RASA2: variants seen among roughly 807,000 people sequenced by gnomAD.
RASA2 encodes the protein RAS p21 protein activator 2.
A neutral mutation model predicts 118.2 loss-of-function variants in RASA2; 155 were observed. The ratio of observed to expected loss-of-function variants is 1.31; its 90% CI spans 1.15 to 1.50. RASA2 has a LOEUF of 1.50. Ranked by LOEUF, RASA2 falls within the 40% of genes most tolerant of loss-of-function variation. RASA2 has a pLI of 0.00. For missense variants in RASA2, 1,016 were observed against 1,009.6 expected, an observed-to-expected ratio of 1.01 and a Z score of -0.09; for synonymous variants, 353 against 349.1, an observed-to-expected ratio of 1.01 and a Z score of -0.12.
At chr3:141,597,807 A>T (rs1269887503) in intron 19 of RASA2, among the ~76,000 whole-genome samples, 1 of 152,098 alleles carries the variant, frequency 6.6e-6, no homozygotes. Flanking sequence ...GCTTTAATAA[A>T]ATTGAAAAAT....
chr3:141,541,171 C>G (rs950894481), intron 5 of RASA2, among the ~76,000 whole-genome samples: 3 of 152,150 alleles, frequency 2.0e-5, no homozygotes, highest in Non-Finnish European at 2.9e-5. Context: ...ATAACCTTCA[C>G]TTCTTCTGGG....
intron 6 of RASA2, 35 bp from the exon 7 acceptor site, chr3:141,555,805 G>A: frequency 6.4e-7 from 1 of 1,568,094 alleles, no homozygotes; most frequent in African/African-American, 1.4e-5. Flanking sequence ...GTACTGTTAA[G>A]TTCTACAAGG....
chr3:141,517,939 G>A (rs915728070), intron 3 of RASA2, among the ~76,000 whole-genome samples: 25 of 152,156 alleles, frequency 1.6e-4, no homozygotes, highest in African/African-American at 6.0e-4. Flanking sequence ...ACAGGCGTCA[G>A]CCACTGCTCC....
chr3:141,493,704 G>A (rs1240098801), intron 1 of RASA2, among the ~76,000 whole-genome samples: 1 of 152,144 alleles, frequency 6.6e-6, no homozygotes, highest in Non-Finnish European at 1.5e-5. Flanking sequence ...TAGATAATAT[G>A]AACACTTGGT....
intron 9 of RASA2, among the ~76,000 whole-genome samples, chr3:141,569,050 T>C (rs2082869624): frequency 6.6e-6 from 1 of 152,126 alleles, no homozygotes; most frequent in South Asian, 2.1e-4. Context: ...AAAAGACATA[T>C]ATAATACAGT....
intron 3 of RASA2, among the ~76,000 whole-genome samples, chr3:141,520,011 C>CTTT (rs559634060): frequency 7.2e-4 from 79 of 109,772 alleles, no homozygotes; most frequent in African/African-American, 1.2e-3. Flanking sequence ...TTCTTTTTCT[C>CTTT]TTTTTTTTTT....
chr3:141,597,358 C>T (rs897531127), intron 19 of RASA2, among the ~76,000 whole-genome samples: 9 of 152,174 alleles, frequency 5.9e-5, no homozygotes, highest in Non-Finnish European at 1.3e-4. Flanking sequence ...CAAGAAATTA[C>T]GTACTGCATG....
intron 5 of RASA2, among the ~76,000 whole-genome samples, chr3:141,549,373 C>T (rs1369773703): frequency 1.3e-5 from 2 of 152,152 alleles, no homozygotes; most frequent in Non-Finnish European, 2.9e-5. Context: ...GACCTCATCT[C>T]TGCCCACCCA....
At position 141,512,277 on chromosome 3, in the gene RASA2, T is replaced by A. The variant is rs763791807; in HGVS notation, c.248T>A (p.Leu83Ter). Residue 83 changes from leucine to a stop codon, truncating the protein, a stop_gained, in exon 2 of 24, where the codon TTA becomes TAA. Transcript: ENST00000286364. LOFTEE classifies it high-confidence loss of function. ...CGTACCCAAGTTGTGGAAAAATCTT[T>A]AAGGTTGGTAGAAAAAATTGGTAAA... ...VYRTQVVEKS[L>*]SPFFSEEFYF... The A allele has an allele frequency of 6.4e-7, 1 of 1,565,164 alleles. No individual in the cohort carries two copies.
intron 2 of RASA2, among the ~76,000 whole-genome samples, chr3:141,515,373 CCT>C (rs1168841142): frequency 1.3e-5 from 2 of 152,068 alleles, no homozygotes; most frequent in East Asian, 1.9e-4. Context: ...ACTATCCTCA[CCT>C]CTCAAATGGT....
chr3:141,512,331 ATAT>A, intron 2 of RASA2, 51 bp downstream of exon 2: 1 of 1,219,452 alleles, frequency 8.2e-7, no homozygotes, highest in Non-Finnish European at 1.2e-6. Flanking sequence ...AGATTGGTAA[ATAT>A]TATGCATTTT....
At chr3:141,572,868 C>T (rs1397890748) in intron 12 of RASA2, 145 bp downstream of exon 12, 5 of 694,142 alleles carry the variant, frequency 7.2e-6, no homozygotes, top group Admixed American at 3.3e-5. Context: ...TTATTTACTT[C>T]TCTGTCAATG....
intron 4 of RASA2, among the ~76,000 whole-genome samples, chr3:141,539,594 T>C (rs1484455550): frequency 6.6e-6 from 1 of 152,206 alleles, no homozygotes; most frequent in Non-Finnish European, 1.5e-5. Context: ...ATCACTCACG[T>C]CATCAGTCCC....
chr3:141,603,574 AAAAAAAT>A (rs2083499848), intron 19 of RASA2, among the ~76,000 whole-genome samples: 1 of 152,058 alleles, frequency 6.6e-6, no homozygotes, highest in Non-Finnish European at 1.5e-5. Flanking sequence ...TCTGTCTCAA[AAAAAAAT>A]AAAAAATAAA....
chr3:141,515,018 AAG>A (rs1485137864), intron 2 of RASA2, among the ~76,000 whole-genome samples: 1 of 152,134 alleles, frequency 6.6e-6, no homozygotes, highest in African/African-American at 2.4e-5. Flanking sequence ...GGAGAGGCAT[AAG>A]AGAACTTTCT....
chr3:141,493,856 A>G (rs991656705), intron 1 of RASA2, among the ~76,000 whole-genome samples: 1 of 152,216 alleles, frequency 6.6e-6, no homozygotes, highest in African/African-American at 2.4e-5. Context: ...GAAATTAAGC[A>G]TTTACAAACA....
At chr3:141,595,803 A>AT (rs895237167) in intron 19 of RASA2, among the ~76,000 whole-genome samples, 2 of 151,574 alleles carry the variant, frequency 1.3e-5, no homozygotes, top group African/African-American at 4.9e-5. Flanking sequence ...TGATTTTCTG[A>AT]TTTTTTGTAG....
chr3:141,551,143 AT>A (rs1280212446), intron 5 of RASA2, among the ~76,000 whole-genome samples: 80 of 152,260 alleles, frequency 5.3e-4, no homozygotes, highest in African/African-American at 1.8e-3. Context: ...CATGCCAGAC[AT>A]TGTGAAGTTG....
intron 19 of RASA2, chr3:141,600,635 A>T (rs1157163699): frequency 1.2e-5 from 2 of 168,578 alleles, no homozygotes; most frequent in African/African-American, 4.8e-5. Flanking sequence ...CCGGAGCAGG[A>T]GGAGTCCTTC....
Sources: gnomAD v4.1 joint callset for allele counts (sites outside exome capture counted in the v4.1 genomes callset) on GRCh38, gnomAD v4.1.1 for gene constraint, MANE v1.5 for transcripts, NCBI Gene and HGNC (gene_info 2026-07-23, HGNC 2026-07-21) for gene names.